Variants in MYCN observed in about 807,000 individuals in gnomAD.
The protein encoded by MYCN is MYCN proto-oncogene, bHLH transcription factor.
In MYCN, 3 loss-of-function variants were observed where a neutral mutation model predicts 28.1. The ratio of observed to expected loss-of-function variants is 0.11; its 90% confidence interval spans 0.05 to 0.28. The LOEUF is 0.28. Ranked by LOEUF, MYCN falls within the 10% of genes least tolerant of loss-of-function variation. The pLI is 1.00. For synonymous variants in MYCN, 326 were observed against 288.3 expected, an observed-to-expected ratio of 1.13 and a Z score of -1.32; for missense variants, 572 against 651.4, an observed-to-expected ratio of 0.88 and a Z score of 1.33.
In MYCN at chr2:15,941,879, G is replaced by T; in HGVS notation, c.-117-69G>T. The T allele has an allele frequency of 6.1e-6, 4 of 656,358 alleles. No homozygotes were observed. Among genetic ancestry groups the T allele is most frequent in the Non-Finnish European group, 7.9e-6 (3 of 380,032 alleles). 40.7% of individuals were successfully genotyped at this position (656,358 alleles called of 1,614,324 possible). A position where few individuals can be genotyped will look rare whatever the true frequency, so the allele number is the denominator to read the frequency against. On this transcript the variant is annotated intron_variant, in intron 1 of 2. Transcript: ENST00000281043. The surrounding 1 kb of genome is among the most constrained non-coding windows in gnomAD (Gnocchi z 4.8). ...AAGATTGGGGAACCTGGTTAGAGGGGGCGCCCATTGCCTATCCCCTCGGTC... is the reference window on the plus strand; with the variant it reads ...AAGATTGGGGAACCTGGTTAGAGGGTGCGCCCATTGCCTATCCCCTCGGTC...
rs759997149 is a variant in MYCN at position 15,942,056 on chromosome 2, G to A, written c.-9G>A. On this transcript the variant is annotated 5_prime_UTR_variant, in exon 2 of 3. Transcript: ENST00000281043. The surrounding 1 kb of genome is among the most constrained non-coding windows in gnomAD (Gnocchi z 7.0). ...AGAAGCCCTCAGTCGCCGGCCGGGAGGCGAGCCGATGCCGAGCTGCTCCAC... is the reference window on the plus strand; with the variant it reads ...AGAAGCCCTCAGTCGCCGGCCGGGAAGCGAGCCGATGCCGAGCTGCTCCAC... 62 of 1,613,276 alleles carry A rather than the reference G, an allele frequency of 3.8e-5. No individual in the cohort carries two copies. The Admixed American group carries it at 4.3e-4, about 11-fold the overall frequency.
rs1314875671 is a variant in MYCN at position 15,945,565 on chromosome 2, C to T, written c.863C>T (p.Ser288Phe). ...GTCACTGTGGAGAAGCGGCGTTCCTCCTCCAACACCAAGGCTGTCACCACA... is the reference window on the plus strand; with the variant it reads ...GTCACTGTGGAGAAGCGGCGTTCCTTCTCCAACACCAAGGCTGTCACCACA... Reference protein sequence around the residue: ...DVVTVEKRRSSSNTKAVTTFT... With the variant: ...DVVTVEKRRSFSNTKAVTTFT... The change falls in exon 3 of 3, where the codon TCC (serine) becomes TTC (phenylalanine). Residue 288 changes from serine to phenylalanine, a missense_variant. Physicochemically the swap from Ser to Phe is radical, Grantham distance 155 (BLOSUM62 -2). Transcript: ENST00000281043. The surrounding 1 kb of genome is among the most constrained non-coding windows in gnomAD (Gnocchi z 4.8). 1 of 1,614,096 alleles carries T rather than the reference C, an allele frequency of 6.2e-7. No individual in the cohort carries two copies.
rs747413221 is a variant in MYCN at position 15,942,307 on chromosome 2, G to T, written c.243G>T (p.Met81Ile). The T allele has an allele frequency of 4.3e-6, 7 of 1,609,846 alleles. No homozygotes were observed. The highest frequency in any genetic ancestry group is 5.9e-6 in the Non-Finnish European group (7 of 1,178,774). ...AGCCCCCGAGCTGGGTCACGGAGAT[G>T]CTGCTTGAGAACGAGCTGTGGGGCA... Reference protein sequence around the residue: ...SSEPPSWVTEMLLENELWGSP... With the variant: ...SSEPPSWVTEILLENELWGSP... Residue 81 changes from methionine to isoleucine, a missense_variant, in exon 2 of 3, where the codon ATG becomes ATT. This residue lies in a region of MYCN where 499 missense variants were observed against 524.3 expected (regional missense o/e 0.95). Coordinates refer to ENST00000281043, the MANE Select transcript of MYCN (RefSeq NM_005378.6). The surrounding 1 kb of genome is among the most constrained non-coding windows in gnomAD (Gnocchi z 7.0).
chr2:15,945,643 A>G lies in MYCN; in HGVS notation c.941A>G (p.Gln314Arg). ...GCAGCCCTGGGTCCCGGGAGGGCTCAGTCCAGCGAGCTGATCCTCAAACGA... is the reference window on the plus strand; with the variant it reads ...GCAGCCCTGGGTCCCGGGAGGGCTCGGTCCAGCGAGCTGATCCTCAAACGA... ...KNAALGPGRA[Q>R]SSELILKRCL... The change falls in exon 3 of 3, where the codon CAG (glutamine) becomes CGG (arginine). Residue 314 changes from glutamine (Q) to arginine (R), a missense_variant. Gln to Arg is a conservative substitution (Grantham distance 43). Transcript: ENST00000281043. This position sits in a 1 kb window ranked among gnomAD's most constrained non-coding sequence, Gnocchi z 4.8. 1 of 1,614,200 alleles carries G rather than the reference A, an allele frequency of 6.2e-7. No homozygotes were observed. Among genetic ancestry groups the G allele is most frequent in the Non-Finnish European group, 8.5e-7 (1 of 1,180,030 alleles).
chr2:15,942,782 G>A lies in MYCN; in HGVS notation c.718G>A (p.Gly240Ser), dbSNP rs1397907417. Residue 240 changes from glycine to serine, a missense_variant, in exon 2 of 3, where the codon GGC becomes AGC. This residue lies in a region of MYCN where 499 missense variants were observed against 524.3 expected (regional missense o/e 0.95). Transcript: ENST00000281043. This position sits in a 1 kb window ranked among gnomAD's most constrained non-coding sequence, Gnocchi z 7.0. ...CCCGGGGGTCGCCCCTCCGCGCCCA[G>A]GCGGCCGCCAGACCAGCGGCGGCGA... ...GAPGVAPPRPGGRQTSGGDHK... is the reference protein window; with the variant it reads ...GAPGVAPPRPSGRQTSGGDHK... The A allele has an allele frequency of 2.7e-6, 4 of 1,489,502 alleles. No homozygotes were observed. The highest frequency in any genetic ancestry group is 3.6e-6 in the Non-Finnish European group (4 of 1,122,888). 92.3% of individuals were successfully genotyped at this position (1,489,502 alleles called of 1,614,324 possible). A position where few individuals can be genotyped will look rare whatever the true frequency, so the allele number is the denominator to read the frequency against.
chr2:15,942,153 C>G lies in MYCN; in HGVS notation c.89C>G (p.Pro30Arg), dbSNP rs1662700836. The change falls in exon 2 of 3, where the codon CCG (proline) becomes CGG (arginine). Residue 30 changes from proline to arginine, a missense_variant. Transcript: ENST00000281043. The surrounding 1 kb of genome is among the most constrained non-coding windows in gnomAD (Gnocchi z 7.0). ...GACTCGCTACAGCCCTGCTTCTACC[C>G]GGACGAAGATGACTTCTACTTCGGC... ...EFDSLQPCFY[P>R]DEDDFYFGGP... 1 of 1,613,836 alleles carries G rather than the reference C, an allele frequency of 6.2e-7. No individual in the cohort carries two copies. Among genetic ancestry groups the G allele is most frequent in the African/African-American group, 1.3e-5 (1 of 74,932 alleles).
chr2:15,946,593 A>C lies in MYCN; in HGVS notation c.*496A>C, dbSNP rs1300227289. On this transcript the variant is annotated 3_prime_UTR_variant, in exon 3 of 3. Coordinates refer to ENST00000281043, the MANE Select transcript of MYCN (RefSeq NM_005378.6). The stretch of plus-strand genomic sequence containing the variant: ...TTAGACTGGAAGTTCATACCTAAGT[A>C]CTGTAATAATACCTCAATGTTTGAG... 3.3e-6 allele frequency: 1 copy of C among 300,964 alleles called. No homozygotes were observed. The highest frequency in any genetic ancestry group is 4.8e-5 in the East Asian group (1 of 20,794). The allele number at this position is 300,964 out of a possible 1,614,324, so 18.6% of individuals were successfully genotyped here.
chr2:15,946,223 G>C lies in MYCN; in HGVS notation c.*126G>C. The stretch of plus-strand genomic sequence containing the variant: ...TCGGTCCCCTGTCGAGTTCGGCTCT[G>C]GGTGGGCAGTAGGACCACCAGTGTG... On this transcript the variant is annotated 3_prime_UTR_variant, in exon 3 of 3. Transcript: ENST00000281043. The C allele has an allele frequency of 1.4e-6, 2 of 1,395,204 alleles. No individual in the cohort carries two copies. Among genetic ancestry groups the C allele is most frequent in the South Asian group, 2.5e-5 (2 of 81,454 alleles). The allele number at this position is 1,395,204 out of a possible 1,614,324, so 86.4% of individuals were successfully genotyped here.
chr2:15,946,180 T>A lies in MYCN; in HGVS notation c.*83T>A. ...ACAAACATTGTGTTGACATTAAGAA[T>A]GTTGGTTTACTTTCAAATCGGTCCC... On this transcript the variant is annotated 3_prime_UTR_variant, in exon 3 of 3. Transcript: ENST00000281043. 2 of 1,601,722 alleles carry A rather than the reference T, an allele frequency of 1.2e-6. No individual in the cohort carries two copies. Among genetic ancestry groups the A allele is most frequent in the Non-Finnish European group, 1.7e-6 (2 of 1,171,036 alleles).
rs2103331446 is a variant in MYCN at position 15,945,849 on chromosome 2, C to T, written c.1147C>T (p.Arg383Cys). 1 of 1,614,056 alleles carries T rather than the reference C, an allele frequency of 6.2e-7. No individual in the cohort carries two copies. Among genetic ancestry groups the T allele is most frequent in the Non-Finnish European group, 8.5e-7 (1 of 1,180,054 alleles). The change falls in exon 3 of 3, where the codon CGC becomes TGC. Residue 383 changes from arginine to cysteine, a missense_variant. Arg to Cys is a radical substitution (Grantham distance 180). This residue lies in a region of MYCN where 12 missense variants were observed against 45.5 expected (regional missense o/e 0.26). Transcript: ENST00000281043. This position sits in a 1 kb window ranked among gnomAD's most constrained non-coding sequence, Gnocchi z 4.8. ...CTCTGACTCGGAGGACAGTGAGCGTCGCAGAAACCACAACATCCTGGAGCG... is the reference window on the plus strand; with the variant it reads ...CTCTGACTCGGAGGACAGTGAGCGTTGCAGAAACCACAACATCCTGGAGCG... ...RNSDSEDSER[R>C]RNHNILERQR...
In MYCN at chr2:15,941,590, C is replaced by A; in HGVS notation, c.-117-358C>A. 1 of 230,038 alleles carries A rather than the reference C, an allele frequency of 4.3e-6. No individual in the cohort carries two copies. 14.2% of individuals were successfully genotyped at this position (230,038 alleles called of 1,614,324 possible). On this transcript the variant is annotated intron_variant, in intron 1 of 2. Transcript: ENST00000281043. This position sits in a 1 kb window ranked among gnomAD's most constrained non-coding sequence, Gnocchi z 4.8. ...TTCCCCTGAGCAGCCGGCCCCACAC[C>A]GCTGCGAGTGCGGTTGTCTGCGTGC...
Position 15,942,759 on chromosome 2 carries a change from C to CG in MYCN, c.700dup (p.Val234GlyfsTer32). On this transcript the variant is annotated frameshift_variant, in exon 2 of 3. Transcript: ENST00000281043. LOFTEE classifies it high-confidence loss of function. This position sits in a 1 kb window ranked among gnomAD's most constrained non-coding sequence, Gnocchi z 7.0. ...GGTATTGCCGCCCCAGCCGGGGCCC[C>CG]GGGGGTCGCCCCTCCGCGCCCAGGC... 7.0e-7 allele frequency: 1 copy of CG among 1,419,184 alleles called. No individual in the cohort carries two copies. Among genetic ancestry groups the CG allele is most frequent in the Non-Finnish European group, 9.2e-7 (1 of 1,084,662 alleles). The allele number at this position is 1,419,184 out of a possible 1,614,324, so 87.9% of individuals were successfully genotyped here.
At chr2:15,940,788 C>G in intron 1 of MYCN, 45 bp downstream of exon 1, 1 of 398,226 alleles carries the variant, frequency 2.5e-6, no homozygotes. Context: ...AGGGAAGCGA[C>G]GAGCGCCGGG....
At position 15,945,758 on chromosome 2, in the gene MYCN, C is replaced by T. The variant is rs749608913; in HGVS notation, c.1056C>T (p.Ser352=). ...CACCCCCACAGAAGAAGATAAAGAG[C>T]GAGGCGTCCCCACGTCCGCTCAAGA... ...EDAPPQKKIK[S]EASPRPLKSV... The change falls in exon 3 of 3, where the codon AGC becomes AGT. Residue 352 remains serine, a synonymous_variant. Coordinates refer to ENST00000281043, the MANE Select transcript of MYCN (RefSeq NM_005378.6). The surrounding 1 kb of genome is among the most constrained non-coding windows in gnomAD (Gnocchi z 4.8). 21 of 1,613,982 alleles carry T rather than the reference C, an allele frequency of 1.3e-5. No homozygotes were observed. The highest frequency in any genetic ancestry group is 3.3e-5 in the Admixed American group (2 of 60,012).
rs2103332347 is a variant in MYCN, at chr2:15,946,120, C to T, written c.*23C>T. The T allele has an allele frequency of 6.2e-7, 1 of 1,614,018 alleles. No homozygotes were observed. The highest frequency in any genetic ancestry group is 1.1e-5 in the South Asian group (1 of 91,034). ...TAGACGCTTCTCAAAACTGGACAGT[C>T]ACTGCCACTTTGCACATTTTGATTT... On this transcript the variant is annotated 3_prime_UTR_variant, in exon 3 of 3. Coordinates refer to ENST00000281043, the MANE Select transcript of MYCN (RefSeq NM_005378.6).
In MYCN at chr2:15,940,645, G is replaced by T. The variant is rs185713214; in HGVS notation, c.-216G>T. 41 of 400,396 alleles carry T rather than the reference G, an allele frequency of 1.0e-4. No homozygotes were observed. In the East Asian group the frequency reaches 1.5e-3, roughly 14 times the overall value. 24.8% of individuals were successfully genotyped at this position (400,396 alleles called of 1,614,324 possible). Reference sequence around the variant, plus strand: ...GAGCAAGCGCTAGCCAGGCGCAAGCGCGCACAGACTGTAGCCATCCGAGGA... The same window carrying T: ...GAGCAAGCGCTAGCCAGGCGCAAGCTCGCACAGACTGTAGCCATCCGAGGA... On this transcript the variant is annotated 5_prime_UTR_variant, in exon 1 of 3. Coordinates refer to ENST00000281043, the MANE Select transcript of MYCN (RefSeq NM_005378.6).
chr2:15,941,983 C>T lies in MYCN; in HGVS notation c.-82C>T, dbSNP rs2103322753. ...CGGCGCCGGCCCCCGCCTTCCGCGCCCCCCACGGGAAGGAAGCACCCCCGG... is the reference window on the plus strand; with the variant it reads ...CGGCGCCGGCCCCCGCCTTCCGCGCTCCCCACGGGAAGGAAGCACCCCCGG... On this transcript the variant is annotated 5_prime_UTR_variant, in exon 2 of 3. Transcript: ENST00000281043. This position sits in a 1 kb window ranked among gnomAD's most constrained non-coding sequence, Gnocchi z 4.8. The T allele has an allele frequency of 1.9e-6, 3 of 1,562,658 alleles. No individual in the cohort carries two copies. The highest frequency in any genetic ancestry group is 2.3e-5 in the South Asian group (2 of 86,928).
At chr2:15,943,929 C>G (rs1056265332) in intron 2 of MYCN, among the ~76,000 whole-genome samples, 1 of 152,144 alleles carries the variant, frequency 6.6e-6, no homozygotes, top group African/African-American at 2.4e-5. Flanking sequence ...GCTGGGACCC[C>G]CCTTGGACTT....
rs1662868656 is a variant in MYCN, at chr2:15,946,161, A to G, written c.*64A>G. 6.2e-7 allele frequency: 1 copy of G among 1,610,300 alleles called. No homozygotes were observed. Among genetic ancestry groups the G allele is most frequent in the Non-Finnish European group, 8.5e-7 (1 of 1,177,686 alleles). ...ATTTTGATTTTTTTTTTAAACAAAC[A>G]TTGTGTTGACATTAAGAATGTTGGT... On this transcript the variant is annotated 3_prime_UTR_variant, in exon 3 of 3. Transcript: ENST00000281043.
Sources: allele counts gnomAD v4.1 joint callset (sites outside exome capture counted in the v4.1 genomes callset), GRCh38; gene constraint gnomAD v4.1.1; regional missense constraint gnomAD v4.1.1; non-coding constraint Gnocchi (gnomAD v3.1); transcripts MANE v1.5; gene names NCBI Gene and HGNC (gene_info 2026-07-23, HGNC 2026-07-21).